Variants in EPHX4 observed in about 807,000 individuals in gnomAD.
EPHX4 encodes epoxide hydrolase 4.
A neutral mutation model predicts 44.9 loss-of-function variants in EPHX4; 31 were observed. The ratio of observed to expected loss-of-function variants is 0.69; its 90% CI spans 0.52 to 0.93. The LOEUF is 0.93. Among genes scored for constraint, EPHX4 ranks in the 40% least tolerant of loss-of-function variants. The pLI, the probability that EPHX4 is intolerant of heterozygous loss-of-function variation, is 0.00. For missense variants in EPHX4, 373 were observed against 438.1 expected (o/e 0.85, Z 1.33); for synonymous variants, 151 against 159.7 (o/e 0.95, Z 0.41).
At chr1:92,034,914 G>C (rs2101866128) in intron 2 of EPHX4, among the ~76,000 whole-genome samples, 1 of 152,206 alleles carries the variant, frequency 6.6e-6, no homozygotes, top group East Asian at 1.9e-4. Flanking sequence ...AAAATGTTGG[G>C]ATTACAGGTG....
At chr1:92,053,880 A>G (rs1647305811) in intron 6 of EPHX4, among the ~76,000 whole-genome samples, 1 of 152,176 alleles carries the variant, frequency 6.6e-6, no homozygotes, top group South Asian at 2.1e-4. Flanking sequence ...GTTGGGTAGT[A>G]GGGTCTGGAA....
intron 6 of EPHX4, among the ~76,000 whole-genome samples, chr1:92,055,890 G>A (rs904691152): frequency 2.0e-5 from 3 of 151,882 alleles, no homozygotes; most frequent in Admixed American, 6.6e-5. Flanking sequence ...AAGGAAAGAG[G>A]GAAAATATTC....
chr1:92,063,184 T>C lies in EPHX4; in HGVS notation c.987T>C (p.Thr329=). 6.2e-7 allele frequency: 1 copy of C among 1,614,184 alleles called. No homozygotes were observed. The change falls in exon 7 of 7, where the codon ACT becomes ACC. Residue 329 remains threonine, a synonymous_variant. Coordinates refer to ENST00000370383, the MANE Select transcript of EPHX4 (RefSeq NM_173567.5). ...KIYVKNYFRL[T]ILSEASHWLQ... is the part of the protein sequence containing the mutation. Reference sequence around the variant, plus strand: ...ATGTTAAAAACTATTTCAGGCTAACTATTTTGTCAGAAGCCAGTCATTGGC... The same window carrying C: ...ATGTTAAAAACTATTTCAGGCTAACCATTTTGTCAGAAGCCAGTCATTGGC...
At chr1:92,032,458 G>C in intron 1 of EPHX4, 47 bp from the exon 2 acceptor site, 1 of 1,393,040 alleles carries the variant, frequency 7.2e-7, no homozygotes, top group Middle Eastern at 1.8e-4. Flanking sequence ...ATATTGCTTT[G>C]TCAATCAACA....
intron 6 of EPHX4, among the ~76,000 whole-genome samples, chr1:92,056,437 A>T (rs1647374299): frequency 6.6e-6 from 1 of 152,088 alleles, no homozygotes; most frequent in Admixed American, 6.6e-5. Context: ...TCAAATAATA[A>T]AGCAAAATGT....
chr1:92,043,298 G>C (rs1688536202), intron 3 of EPHX4: 1 of 176,434 alleles, frequency 5.7e-6, no homozygotes, highest in African/African-American at 2.4e-5. Flanking sequence ...GATCACCTGA[G>C]GTCAGAGTTT....
intron 2 of EPHX4, among the ~76,000 whole-genome samples, chr1:92,033,760 T>C (rs1423545315): frequency 1.3e-5 from 2 of 152,148 alleles, no homozygotes; most frequent in South Asian, 4.1e-4. Flanking sequence ...CTCACCGTTC[T>C]GGAGACTGGG....
rs926126550 is a variant in EPHX4, at chr1:92,063,457, T to C, written c.*171T>C. ...AAAAATCTGAGATCATGTGAACATA[T>C]AATACAATGTTGATTTTCTTCTGGT... On this transcript the variant is annotated 3_prime_UTR_variant, in exon 7 of 7. Coordinates refer to ENST00000370383, the MANE Select transcript of EPHX4 (RefSeq NM_173567.5). The C allele has an allele frequency of 1.2e-5, 6 of 517,190 alleles. No homozygotes were observed. Among genetic ancestry groups the C allele is most frequent in the African/African-American group, 9.5e-5 (5 of 52,830 alleles). The allele number at this position is 517,190 out of a possible 1,614,324, so 32.0% of individuals were successfully genotyped here.
At chr1:92,045,279 C>T (rs1012714942) in intron 3 of EPHX4, among the ~76,000 whole-genome samples, 9 of 151,708 alleles carry the variant, frequency 5.9e-5, no homozygotes, top group South Asian at 2.1e-4. Context: ...GTCACCACAC[C>T]GGCCTATTTC....
intron 1 of EPHX4, 102 bp downstream of exon 1, chr1:92,030,412 C>G: frequency 9.3e-7 from 1 of 1,075,826 alleles, no homozygotes; most frequent in South Asian, 1.7e-5. Flanking sequence ...TCAGCGTCCC[C>G]TAGTGTCCTG....
chr1:92,032,815 A>C (rs1410117640), intron 2 of EPHX4, among the ~76,000 whole-genome samples: 4 of 152,174 alleles, frequency 2.6e-5, no homozygotes, highest in Non-Finnish European at 4.4e-5. Flanking sequence ...GCAAAGAAGC[A>C]AAAGGGGGCC....
chr1:92,054,393 A>C (rs1647320448), intron 6 of EPHX4, among the ~76,000 whole-genome samples: 1 of 152,198 alleles, frequency 6.6e-6, no homozygotes, highest in Admixed American at 6.6e-5. Flanking sequence ...GTTCGAGACC[A>C]GTCTGGCCAA....
chr1:92,050,921 C>T (rs774046842), intron 5 of EPHX4, among the ~76,000 whole-genome samples: 29 of 152,168 alleles, frequency 1.9e-4, no homozygotes, highest in Non-Finnish European at 4.0e-4. Context: ...CAGCCTCAAC[C>T]TCCCAGGCTC....
intron 3 of EPHX4, 47 bp from the exon 4 acceptor site, chr1:92,045,485 C>A: frequency 6.2e-7 from 1 of 1,605,962 alleles, no homozygotes; most frequent in East Asian, 2.2e-5. Context: ...AACAGTGCAC[C>A]CACCTGTTTC....
At chr1:92,050,749 A>G (rs541106885) in intron 5 of EPHX4, among the ~76,000 whole-genome samples, 1 of 152,198 alleles carries the variant, frequency 6.6e-6, no homozygotes, top group African/African-American at 2.4e-5. Flanking sequence ...AAAGCCCTAA[A>G]CAAAGTAAAC....
At chr1:92,061,038 A>G (rs1243411092) in intron 6 of EPHX4, among the ~76,000 whole-genome samples, 2 of 151,618 alleles carry the variant, frequency 1.3e-5, no homozygotes, top group Non-Finnish European at 2.9e-5. Flanking sequence ...AAGCCATCAC[A>G]CCCGGCTAAT....
intron 1 of EPHX4, among the ~76,000 whole-genome samples, 182 bp downstream of exon 1, chr1:92,030,492 G>GTGTGTGTGTGTGTGTGTGTGTGTGTGT (rs1557880299): frequency 2.1e-5 from 2 of 96,964 alleles, no homozygotes; most frequent in African/African-American, 6.5e-5. Context: ...GTGTGAGAGA[G>GTGTGTGTGTGTGTGTGTGTGTGTGTGT]AGAGAGAGAG....
intron 6 of EPHX4, among the ~76,000 whole-genome samples, chr1:92,055,053 A>G (rs926766446): frequency 6.6e-6 from 1 of 152,190 alleles, no homozygotes; most frequent in African/African-American, 2.4e-5. Context: ...TTTTCAAACC[A>G]GTAGAGGGGA....
At chr1:92,033,633 C>T (rs115664870) in intron 2 of EPHX4, among the ~76,000 whole-genome samples, 4,957 of 152,254 alleles carry the variant, frequency 0.033, 109 homozygotes, top group Non-Finnish European at 0.047. Context: ...AAATATTTCT[C>T]ATTAGGAAGA....
Sources: gnomAD v4.1 joint callset for allele counts (sites outside exome capture counted in the v4.1 genomes callset) on GRCh38, gnomAD v4.1.1 for gene constraint, MANE v1.5 for transcripts, NCBI Gene and HGNC (gene_info 2026-07-23, HGNC 2026-07-21) for gene names.